Variants in DRC7 observed in about 807,000 individuals in gnomAD.
DRC7 encodes the protein dynein regulatory complex subunit 7, also known as coiled-coil domain containing 135.
DRC7 carries 80 observed loss-of-function variants against 104.4 expected under a neutral mutation model. The observed-to-expected ratio is 0.77, with a 90% CI of 0.64 to 0.92. The LOEUF (loss-of-function observed/expected upper bound fraction) is 0.92. Ranked by LOEUF, DRC7 falls within the 40% of genes least tolerant of loss-of-function variation. The pLI is 0.00. For missense variants in DRC7, 1,034 were observed against 1,141.1 expected (o/e 0.91, Z 1.35); for synonymous variants, 405 against 447.3 (o/e 0.91, Z 1.19).
intron 3 of DRC7, 114 bp from the exon 4 acceptor site, chr16:57,698,736 T>TC (rs1282063789): frequency 1.0e-6 from 1 of 958,874 alleles, no homozygotes; most frequent in Non-Finnish European, 1.6e-6. Context: ...ACCTGCCTTC[T>TC]CAGTAGCCGT....
Position 57,700,165 on chromosome 16 carries a change from C to G in DRC7, c.399C>G (p.Leu133=), listed in dbSNP as rs781534602. 7 of 1,613,876 alleles carry G rather than the reference C, an allele frequency of 4.3e-6. No homozygotes were observed. Among genetic ancestry groups the G allele is most frequent in the African/African-American group, 1.3e-5 (1 of 74,932 alleles). ...TGCAGAAGTTCGTGAGCACAACCCT[C>G]CGGCCCACACTGATGCCCTACCCCG... ...CEVPKFVSTT[L]RPTLMPYPEL... is the part of the protein sequence containing the mutation. Residue 133 remains leucine (L), a synonymous_variant, in exon 5 of 19, where the codon CTC becomes CTG. Coordinates refer to ENST00000360716, the MANE Select transcript of DRC7 (RefSeq NM_001289162.2).
In DRC7 at chr16:57,700,036, C is replaced by A. The variant is rs544203879; in HGVS notation, c.379-109C>A. ...CAGGTCATGTGGGCCTGGCCTCCTGCATTTGCTCAGGCCTCTAGGGTCCCC... is the reference window on the plus strand; with the variant it reads ...CAGGTCATGTGGGCCTGGCCTCCTGAATTTGCTCAGGCCTCTAGGGTCCCC... On this transcript the variant is annotated intron_variant, in intron 4 of 18. Coordinates refer to ENST00000360716, the MANE Select transcript of DRC7 (RefSeq NM_001289162.2). 4.3e-5 allele frequency: 56 copies of A among 1,304,300 alleles called. No homozygotes were observed. The South Asian group carries it at 7.9e-4, about 19-fold the overall frequency. 80.8% of individuals were successfully genotyped at this position (1,304,300 alleles called of 1,614,324 possible).
At chr16:57,727,151 T>G in intron 15 of DRC7, 148 bp from the exon 16 acceptor site, 1 of 709,640 alleles carries the variant, frequency 1.4e-6, no homozygotes, top group East Asian at 2.6e-5. Flanking sequence ...TTTTTGTTTT[T>G]TAACAGATGG....
intron 10 of DRC7, 144 bp from the exon 11 acceptor site, chr16:57,722,569 C>T (rs1567884949): frequency 3.6e-6 from 4 of 1,118,720 alleles, no homozygotes; most frequent in Non-Finnish European, 5.0e-6. Flanking sequence ...GGTGATTATT[C>T]TCCTCGGCCT....
At chr16:57,709,734 C>A (rs541830997) in intron 8 of DRC7, among the ~76,000 whole-genome samples, 1 of 152,172 alleles carries the variant, frequency 6.6e-6, no homozygotes, top group East Asian at 1.9e-4. Flanking sequence ...GCAACTATCA[C>A]CACTATCTAA....
Position 57,726,217 on chromosome 16 carries a change from G to A in DRC7, c.1908G>A (p.Arg636=). 1.2e-6 allele frequency: 2 copies of A among 1,613,164 alleles called. No individual in the cohort carries two copies. The highest frequency in any genetic ancestry group is 8.5e-7 in the Non-Finnish European group (1 of 1,179,970). The change falls in exon 14 of 19, where the codon CGG becomes CGA. Residue 636 remains arginine (R), a synonymous_variant. Transcript: ENST00000360716. ...HITASKREFL[R]RTEVDSKGNK... ...CGGCCTCCAAGCGCGAGTTCCTGCGGCGCACCGAGGTGGACAGCAAAGGCA... is the reference window on the plus strand; with the variant it reads ...CGGCCTCCAAGCGCGAGTTCCTGCGACGCACCGAGGTGGACAGCAAAGGCA...
At chr16:57,696,864 G>A (rs1295383710) in intron 2 of DRC7, among the ~76,000 whole-genome samples, 2 of 152,270 alleles carry the variant, frequency 1.3e-5, no homozygotes, top group South Asian at 4.1e-4. Flanking sequence ...TTTTGGGTGG[G>A]TTGTAGATCA....
At chr16:57,707,169 C>T (rs2048740828) in intron 7 of DRC7, among the ~76,000 whole-genome samples, 1 of 152,194 alleles carries the variant, frequency 6.6e-6, no homozygotes, top group African/African-American at 2.4e-5. Context: ...TGGATGAAAC[C>T]TCACCCAAAG....
chr16:57,727,795 C>T (rs2048989616), intron 16 of DRC7, among the ~76,000 whole-genome samples: 1 of 152,264 alleles, frequency 6.6e-6, no homozygotes, highest in Non-Finnish European at 1.5e-5. Context: ...CAGGTTACAC[C>T]TTCAGGTTGC....
At chr16:57,717,144 G>A (rs2048851389) in intron 8 of DRC7, among the ~76,000 whole-genome samples, 1 of 150,134 alleles carries the variant, frequency 6.7e-6, no homozygotes, top group East Asian at 2.0e-4. Context: ...GGCAACAGAG[G>A]GAGACCCTGT....
chr16:57,699,038 G>A lies in DRC7; in HGVS notation c.378+14G>A. The stretch of plus-strand genomic sequence containing the variant: ...TGTGAAGTGCCCGTAAGGCTGGCAT[G>A]TTGAGGGCAGGGCTGGGGAGCCTGG... On this transcript the variant is annotated intron_variant, in intron 4 of 18. Transcript: ENST00000360716. 6.2e-7 allele frequency: 1 copy of A among 1,612,482 alleles called. No homozygotes were observed. Among genetic ancestry groups the A allele is most frequent in the Non-Finnish European group, 8.5e-7 (1 of 1,179,102 alleles).
chr16:57,709,094 A>C (rs1224609334), intron 8 of DRC7, among the ~76,000 whole-genome samples: 2 of 148,130 alleles, frequency 1.4e-5, no homozygotes, highest in African/African-American at 5.0e-5. Context: ...GCGTCACTGC[A>C]CTCCAGCCTG....
intron 8 of DRC7, among the ~76,000 whole-genome samples, chr16:57,708,957 C>T (rs541735128): frequency 2.6e-5 from 4 of 151,612 alleles, no homozygotes; most frequent in South Asian, 2.1e-4. Context: ...GGTGAAACCC[C>T]GTCTCTACTA....
At chr16:57,725,749 G>T (rs1456727551) in intron 13 of DRC7, 1 of 314,606 alleles carries the variant, frequency 3.2e-6, no homozygotes, top group Non-Finnish European at 6.0e-6. Flanking sequence ...TGCCAAAGAA[G>T]CTCTTTCTAG....
At chr16:57,697,664 C>T (rs192543810) in intron 2 of DRC7, among the ~76,000 whole-genome samples, 1 of 152,300 alleles carries the variant, frequency 6.6e-6, no homozygotes, top group East Asian at 1.9e-4. Context: ...GGATGGCTTC[C>T]AACCGGAGGC....
In DRC7 at chr16:57,697,407, C is replaced by CA. The variant is rs1339620599; in HGVS notation, c.-37-494dup. On this transcript the variant is annotated intron_variant, in intron 2 of 18. Transcript: ENST00000360716. ...CAACATAGCCAGACCCTGTCTCTAC[C>CA]AAAAAAAAAAAATAGCCAGGTGTGG... 3.6e-3 allele frequency among the ~76,000 whole-genome samples: 502 copies of CA among 140,682 alleles called. 3 individuals are homozygous for CA. The highest frequency in any genetic ancestry group is 7.1e-3 in the Middle Eastern group (2 of 280). 92.3% of individuals were successfully genotyped at this position (140,682 alleles called of 152,430 possible).
At position 57,718,386 on chromosome 16, in the gene DRC7, T is replaced by C; in HGVS notation, c.1117T>C (p.Tyr373His). ...CCTGGGTGACCCTGTGAGATGGGAGTACATGCTCCTGGGGACTGATAAGTC... is the reference window on the plus strand; with the variant it reads ...CCTGGGTGACCCTGTGAGATGGGAGCACATGCTCCTGGGGACTGATAAGTC... ...FDLGDPVRWEYMLLGTDKSQL... is the reference protein window; with the variant it reads ...FDLGDPVRWEHMLLGTDKSQL... Residue 373 changes from tyrosine to histidine, a missense_variant, in exon 9 of 19, where the codon TAC becomes CAC. Transcript: ENST00000360716. 6.2e-7 allele frequency: 1 copy of C among 1,614,008 alleles called. No individual in the cohort carries two copies.
chr16:57,706,718 C>T lies in DRC7; in HGVS notation c.859-742C>T, dbSNP rs572861128. On this transcript the variant is annotated intron_variant, in intron 7 of 18. Coordinates refer to ENST00000360716, the MANE Select transcript of DRC7 (RefSeq NM_001289162.2). Reference sequence around the variant, plus strand: ...TTCTCCTCCAACCCATCCTCCCATCCGTCCATCCTCCCATCCATCCACCCT... The same window carrying T: ...TTCTCCTCCAACCCATCCTCCCATCTGTCCATCCTCCCATCCATCCACCCT... 9.4e-3 allele frequency among the ~76,000 whole-genome samples: 974 copies of T among 103,576 alleles called. 34 individuals are homozygous for T. Among genetic ancestry groups the T allele is most frequent in the African/African-American group, 0.028 (806 of 29,250 alleles). 67.9% of individuals were successfully genotyped at this position (103,576 alleles called of 152,430 possible).
At chr16:57,709,114 G>A (rs371194524) in intron 8 of DRC7, among the ~76,000 whole-genome samples, 9 of 133,394 alleles carry the variant, frequency 6.7e-5, no homozygotes, top group East Asian at 2.1e-4. Context: ...GGGCGACAAA[G>A]CAAGACTCTG....
Sources: gnomAD v4.1 joint callset for allele counts (sites outside exome capture counted in the v4.1 genomes callset) on GRCh38, gnomAD v4.1.1 for gene constraint, MANE v1.5 for transcripts, NCBI Gene and HGNC (gene_info 2026-07-23, HGNC 2026-07-21) for gene names.